MPRIP: variants seen among roughly 807,000 people sequenced by gnomAD.
MPRIP encodes the protein myosin phosphatase Rho interacting protein, also known as myosin phosphatase Rho-interacting protein.
In MPRIP, 59 loss-of-function variants were observed where a neutral mutation model predicts 234.9. That is an observed-to-expected ratio of 0.25 (90% CI 0.20 to 0.31). The LOEUF (loss-of-function observed/expected upper bound fraction) is 0.31. Ranked by LOEUF, MPRIP falls within the 10% of genes least tolerant of loss-of-function variation. The pLI, the probability that MPRIP is intolerant of heterozygous loss-of-function variation, is 1.00. For missense variants in MPRIP, 2,436 were observed against 3,071.0 expected, an observed-to-expected ratio of 0.79 and a Z score of 4.89; for synonymous variants, 1,144 against 1,263.9, an observed-to-expected ratio of 0.91 and a Z score of 2.01.
chr17:17,118,493 T>C (rs1188061042), intron 3 of MPRIP, among the ~76,000 whole-genome samples: 5 of 152,104 alleles, frequency 3.3e-5, no homozygotes, highest in African/African-American at 1.2e-4. Context: ...AGGACAGGCA[T>C]TGGGATGAGG....
chr17:17,107,621 C>G (rs1262258217), intron 3 of MPRIP, among the ~76,000 whole-genome samples: 1 of 152,194 alleles, frequency 6.6e-6, no homozygotes. Context: ...GTGGATTTGG[C>G]ACACAGGCCC....
chr17:17,164,412 C>A lies in MPRIP; in HGVS notation c.2821C>A (p.Arg941=), dbSNP rs767872789. The A allele has an allele frequency of 7.8e-7, 1 of 1,282,912 alleles. No homozygotes were observed. Among genetic ancestry groups the A allele is most frequent in the South Asian group, 1.3e-5 (1 of 79,888 alleles). 79.5% of individuals were successfully genotyped at this position (1,282,912 alleles called of 1,614,324 possible). The change falls in exon 16 of 24, where the codon CGG becomes AGG. Residue 941 remains arginine, a synonymous_variant. Coordinates refer to ENST00000651222, the MANE Select transcript of MPRIP (RefSeq NM_001364716.4). Reference sequence around the variant, plus strand: ...CCGGGTCCGCGAGCAGCTGGAGGAGCGGCAACACAGCGAGGCGGCGCTGAG... The same window carrying A: ...CCGGGTCCGCGAGCAGCTGGAGGAGAGGCAACACAGCGAGGCGGCGCTGAG... The part of the protein sequence containing the change: ...QGRVREQLEE[R]QHSEAALSSQ...
chr17:17,142,506 G>T lies in MPRIP; in HGVS notation c.1251-121G>T, dbSNP rs2045349715. 4 of 1,178,302 alleles carry T rather than the reference G, an allele frequency of 3.4e-6. No individual in the cohort carries two copies. The South Asian group carries it at 4.4e-5, about 13-fold the overall frequency. 73.0% of individuals were successfully genotyped at this position (1,178,302 alleles called of 1,614,324 possible). On this transcript the variant is annotated intron_variant, in intron 7 of 23. Coordinates refer to ENST00000651222, the MANE Select transcript of MPRIP (RefSeq NM_001364716.4). ...GCTGAGCACGTGTCTAGACAACCTC[G>T]GTGCTGTGCAAGCCTGAGGGGAATC...
At chr17:17,143,167 C>T (rs746899662) in intron 8 of MPRIP, among the ~76,000 whole-genome samples, 1 of 152,182 alleles carries the variant, frequency 6.6e-6, no homozygotes, top group African/African-American at 2.4e-5. Flanking sequence ...CTTTTGTAGC[C>T]GGCCAAGTCT....
In MPRIP at chr17:17,173,940, G is replaced by A. The variant is rs2046199754; in HGVS notation, c.6615G>A (p.Arg2205=). ...GGGAGGAGCTGCAGTCGGTGCAGCGGGAACTGGAGGTCCTCTCGGAGCAGT... is the reference window on the plus strand; with the variant it reads ...GGGAGGAGCTGCAGTCGGTGCAGCGAGAACTGGAGGTCCTCTCGGAGCAGT... ...QYLEELQSVQ[R]ELEVLSEQYS... The change falls in exon 19 of 24, where the codon CGG becomes CGA. Residue 2205 remains arginine (R), a synonymous_variant. Coordinates refer to ENST00000651222, the MANE Select transcript of MPRIP (RefSeq NM_001364716.4). The A allele has an allele frequency of 6.2e-7, 1 of 1,613,606 alleles. No individual in the cohort carries two copies. Among genetic ancestry groups the A allele is most frequent in the Admixed American group, 1.7e-5 (1 of 60,022 alleles).
chr17:17,056,284 G>T (rs538526280), intron 1 of MPRIP, among the ~76,000 whole-genome samples: 132 of 152,310 alleles, frequency 8.7e-4, no homozygotes, highest in Non-Finnish European at 1.4e-3. Context: ...CTGCGAAGAC[G>T]TTGCCCCAGA....
intron 4 of MPRIP, 39 bp downstream of exon 4, chr17:17,126,892 T>G (rs201267611): frequency 6.3e-7 from 1 of 1,598,922 alleles, no homozygotes; most frequent in East Asian, 2.2e-5. Context: ...CACCACCACC[T>G]GCCACAGGGC....
chr17:17,166,880 G>C lies in MPRIP; in HGVS notation c.5289G>C (p.Glu1763Asp), dbSNP rs61741721. The C allele has an allele frequency of 0.016, 20,626 of 1,304,196 alleles. 191 individuals are homozygous for C. Among genetic ancestry groups the C allele is most frequent in the Non-Finnish European group, 0.019 (18,807 of 988,952 alleles). The allele number at this position is 1,304,196 out of a possible 1,614,324, so 80.8% of individuals were successfully genotyped here. A position where few individuals can be genotyped will look rare whatever the true frequency, so the allele number is the denominator to read the frequency against. ...GCCGAGACTCAGACAGCTCTCAGGA[G>C]CCCTTCGATGTGTCTGACCAGAGCC... ...VLGRDSDSSQ[E>D]PFDVSDQSPG... is the part of the protein sequence containing the mutation. The change falls in exon 16 of 24, where the codon GAG becomes GAC. Residue 1763 changes from glutamate (E) to aspartate (D), a missense_variant. Glu to Asp is a conservative substitution (Grantham distance 45). Coordinates refer to ENST00000651222, the MANE Select transcript of MPRIP (RefSeq NM_001364716.4). The surrounding 1 kb of genome is among the most constrained non-coding windows in gnomAD (Gnocchi z 4.4).
intron 23 of MPRIP, chr17:17,180,554 C>A: frequency 6.5e-7 from 1 of 1,535,604 alleles, no homozygotes; most frequent in Non-Finnish European, 9.0e-7. Context: ...GGAGCGGCAC[C>A]GCGTGTGTTT....
intron 11 of MPRIP, among the ~76,000 whole-genome samples, chr17:17,147,991 T>C (rs1317839466): frequency 6.6e-6 from 1 of 152,204 alleles, no homozygotes; most frequent in Admixed American, 6.5e-5. Flanking sequence ...ACTCCAGGAA[T>C]CCCTCAGATA....
chr17:17,161,465 C>G lies in MPRIP; in HGVS notation c.2517+109C>G, dbSNP rs918873621. On this transcript the variant is annotated intron_variant, in intron 15 of 23. Transcript: ENST00000651222. The stretch of plus-strand genomic sequence containing the variant: ...GCAAAACTTGGCTGAGCAGGGGTGT[C>G]TCCCAGGAGCTCATGCCCCTGGGCT... 2.8e-5 allele frequency: 17 copies of G among 613,224 alleles called. No individual in the cohort carries two copies. The East Asian group carries it at 4.5e-4, about 16-fold the overall frequency. The allele number at this position is 613,224 out of a possible 1,614,324, so 38.0% of individuals were successfully genotyped here. A position where few individuals can be genotyped will look rare whatever the true frequency, so the allele number is the denominator to read the frequency against.
At chr17:17,139,744 C>T (rs1002258682) in intron 7 of MPRIP, among the ~76,000 whole-genome samples, 3 of 152,222 alleles carry the variant, frequency 2.0e-5, no homozygotes, top group Non-Finnish European at 2.9e-5. Context: ...AGGTTAGTCT[C>T]CAGGATAAGG....
At chr17:17,170,216 AAAG>A (rs2144659837) in intron 16 of MPRIP, 1 of 151,652 alleles carries the variant, frequency 6.6e-6, no homozygotes, top group South Asian at 2.1e-4. Flanking sequence ...TTTAATTAAA[AAAG>A]ACCTATTAGT....
chr17:17,154,547 CTG>C, intron 13 of MPRIP, 132 bp downstream of exon 13: 1 of 680,950 alleles, frequency 1.5e-6, no homozygotes, highest in Middle Eastern at 2.5e-4. Context: ...TCCTTCCTTC[CTG>C]TGTCCTTCTG....
At chr17:17,105,120 T>G (rs1424633934) in intron 3 of MPRIP, among the ~76,000 whole-genome samples, 2 of 152,188 alleles carry the variant, frequency 1.3e-5, no homozygotes, top group Admixed American at 1.3e-4. Context: ...TTGTTCATCC[T>G]CAAGTAGGCA....
At position 17,166,738 on chromosome 17, in the gene MPRIP, A is replaced by G. The variant is rs769001031; in HGVS notation, c.5147A>G (p.Gln1716Arg). The G allele has an allele frequency of 3.4e-4, 445 of 1,304,088 alleles. No homozygotes were observed. The highest frequency in any genetic ancestry group is 4.2e-4 in the Non-Finnish European group (413 of 988,962). The allele number at this position is 1,304,088 out of a possible 1,614,324, so 80.8% of individuals were successfully genotyped here. A position where few individuals can be genotyped will look rare whatever the true frequency, so the allele number is the denominator to read the frequency against. ...CTGAGGGAAATCCTGGGAGCCTACC[A>G]AACCCCAGACTTTGAAAGAGTGATG... ...CLLREILGAYQTPDFERVMQQ... is the reference protein window; with the variant it reads ...CLLREILGAYRTPDFERVMQQ... The change falls in exon 16 of 24, where the codon CAA (glutamine) becomes CGA (arginine). Residue 1716 changes from glutamine (Q) to arginine (R), a missense_variant. Gln to Arg is a conservative substitution (Grantham distance 43). Around this residue, in one of 4 missense-constraint regions of MPRIP, gnomAD observed 1,998 missense variants for 2,520.3 expected, o/e 0.79. Transcript: ENST00000651222. This position sits in a 1 kb window ranked among gnomAD's most constrained non-coding sequence, Gnocchi z 4.4.
In MPRIP at chr17:17,104,553, G is replaced by A. The variant is rs545094551; in HGVS notation, c.268-22149G>A. Among the ~76,000 whole-genome samples the A allele has an allele frequency of 9.9e-5, 15 of 152,264 alleles. No individual in the cohort carries two copies. In the South Asian group the frequency reaches 2.9e-3, roughly 30 times the overall value. Reference sequence around the variant, plus strand: ...CTGTGTTCAAGCCTGGTGGGGAGCCGTGAAGGCAGAACCGTTTCTCCGTCC... The same window carrying A: ...CTGTGTTCAAGCCTGGTGGGGAGCCATGAAGGCAGAACCGTTTCTCCGTCC... On this transcript the variant is annotated intron_variant, in intron 3 of 23. Transcript: ENST00000651222.
intron 16 of MPRIP, chr17:17,171,113 A>T (rs1324887457): frequency 1.3e-5 from 2 of 152,258 alleles, no homozygotes; most frequent in East Asian, 3.8e-4. Flanking sequence ...GACCAGCTGG[A>T]GGTTGTCAGC....
intron 3 of MPRIP, among the ~76,000 whole-genome samples, chr17:17,084,167 G>A (rs2089531356): frequency 6.6e-6 from 1 of 152,176 alleles, no homozygotes; most frequent in Non-Finnish European, 1.5e-5. Context: ...CATAGTGGCT[G>A]CTGTGTCCGT....
Sources: allele counts gnomAD v4.1 joint callset (sites outside exome capture counted in the v4.1 genomes callset), GRCh38; gene constraint gnomAD v4.1.1; regional missense constraint gnomAD v4.1.1; non-coding constraint Gnocchi (gnomAD v3.1); transcripts MANE v1.5; gene names NCBI Gene and HGNC (gene_info 2026-07-23, HGNC 2026-07-21).